The following FAF1 variants were observed in gnomAD, a reference collection of about 807,000 sequenced individuals.
FAF1 encodes the protein FAS-associated factor 1.
Under a neutral mutation model 92.5 loss-of-function variants are expected in FAF1, and 25 were observed. That is an observed-to-expected ratio of 0.27 (90% CI 0.20 to 0.38). The LOEUF is 0.38. FAF1 is among the 10% of genes least tolerant of loss of function. The pLI, the probability that FAF1 is intolerant of heterozygous loss-of-function variation, is 1.00. For missense variants in FAF1, 636 were observed against 793.3 expected, an observed-to-expected ratio of 0.80 and a Z score of 2.38; for synonymous variants, 234 against 273.2, an observed-to-expected ratio of 0.86 and a Z score of 1.42.
chr1:50,451,435 G>A (rs542337588), intron 18 of FAF1, among the ~76,000 whole-genome samples: 21 of 152,156 alleles, frequency 1.4e-4, no homozygotes, highest in Non-Finnish European at 2.2e-4. Context: ...AGGACAAGAG[G>A]CTCAGCGAGA....
chr1:50,661,723 A>G (rs1655382468), intron 7 of FAF1, among the ~76,000 whole-genome samples: 1 of 152,228 alleles, frequency 6.6e-6, no homozygotes, highest in African/African-American at 2.4e-5. Flanking sequence ...AATAAGGCAT[A>G]CAAACTAGGC....
intron 12 of FAF1, among the ~76,000 whole-genome samples, chr1:50,574,880 T>C (rs1341826027): frequency 6.8e-6 from 1 of 147,634 alleles, no homozygotes; most frequent in Non-Finnish European, 1.5e-5. Flanking sequence ...TGTTTAAGCA[T>C]ATAGAGTTGT....
chr1:50,468,209 A>AAAC (rs936543176), intron 18 of FAF1, among the ~76,000 whole-genome samples: 46 of 151,956 alleles, frequency 3.0e-4, no homozygotes, highest in East Asian at 7.8e-4. Context: ...ACTCTGTCTC[A>AAAC]AACAACAACA....
intron 7 of FAF1, among the ~76,000 whole-genome samples, chr1:50,694,597 TTA>T (rs1451046170): frequency 2.7e-5 from 4 of 150,656 alleles, no homozygotes; most frequent in African/African-American, 9.7e-5. Flanking sequence ...CAAAACTTTA[TTA>T]AGTATTTGCT....
At chr1:50,639,410 T>C (rs1654213587) in intron 8 of FAF1, among the ~76,000 whole-genome samples, 1 of 152,244 alleles carries the variant, frequency 6.6e-6, no homozygotes, top group Admixed American at 6.5e-5. Flanking sequence ...ACCTTGCTGA[T>C]AGATTTTTAT....
intron 3 of FAF1, among the ~76,000 whole-genome samples, chr1:50,800,218 G>A (rs1436708936): frequency 3.9e-5 from 6 of 152,126 alleles, no homozygotes; most frequent in African/African-American, 1.4e-4. Context: ...GGGAGAAGAA[G>A]TTTCTACAGT....
intron 15 of FAF1, among the ~76,000 whole-genome samples, chr1:50,526,907 T>C (rs960613702): frequency 3.3e-5 from 5 of 150,168 alleles, no homozygotes; most frequent in Admixed American, 6.7e-5. Flanking sequence ...CCAGCTGGAG[T>C]GTAGTGGCGT....
intron 7 of FAF1, among the ~76,000 whole-genome samples, chr1:50,685,639 C>G (rs764015437): frequency 6.6e-6 from 1 of 152,194 alleles, no homozygotes; most frequent in Non-Finnish European, 1.5e-5. Flanking sequence ...GTTGCACAGC[C>G]AGGAGATGCC....
chr1:50,632,764 TG>T (rs1465995769), intron 8 of FAF1, among the ~76,000 whole-genome samples: 1 of 152,202 alleles, frequency 6.6e-6, no homozygotes, highest in African/African-American at 2.4e-5. Flanking sequence ...CCCACACTTA[TG>T]CATTGTTTGT....
At chr1:50,472,515 T>C (rs1037769075) in intron 18 of FAF1, among the ~76,000 whole-genome samples, 1 of 151,960 alleles carries the variant, frequency 6.6e-6, no homozygotes, top group African/African-American at 2.4e-5. Flanking sequence ...TGTCCTACAG[T>C]GCTCAGTTCA....
At chr1:50,626,861 GTGAA>G (rs896169954) in intron 8 of FAF1, among the ~76,000 whole-genome samples, 5 of 152,120 alleles carry the variant, frequency 3.3e-5, no homozygotes, top group African/African-American at 1.2e-4. Context: ...GGAAATAGAA[GTGAA>G]TGAATGGGAG....
At chr1:50,703,702 T>C (rs374659634) in intron 7 of FAF1, among the ~76,000 whole-genome samples, 45 of 152,284 alleles carry the variant, frequency 3.0e-4, no homozygotes, top group African/African-American at 1.0e-3. Context: ...ATTTAGAAAA[T>C]GGTATAAAAA....
At chr1:50,835,077 G>A (rs1644188301) in intron 2 of FAF1, among the ~76,000 whole-genome samples, 1 of 152,202 alleles carries the variant, frequency 6.6e-6, no homozygotes, top group Non-Finnish European at 1.5e-5. Flanking sequence ...TGGCTGAAGA[G>A]TAGCACAGAT....
At chr1:50,541,103 C>T (rs1648738740) in intron 13 of FAF1, among the ~76,000 whole-genome samples, 1 of 152,156 alleles carries the variant, frequency 6.6e-6, no homozygotes, top group Non-Finnish European at 1.5e-5. Flanking sequence ...AAATTCAAAA[C>T]AGAATCAAAC....
At chr1:50,708,164 A>C (rs1315948786) in intron 6 of FAF1, among the ~76,000 whole-genome samples, 1 of 152,204 alleles carries the variant, frequency 6.6e-6, no homozygotes, top group Non-Finnish European at 1.5e-5. Context: ...ATTTACATTT[A>C]TACAAGATTA....
At chr1:50,533,159 AATGGC>A (rs1557984281) in intron 15 of FAF1, among the ~76,000 whole-genome samples, 1 of 152,072 alleles carries the variant, frequency 6.6e-6, no homozygotes, top group Non-Finnish European at 1.5e-5. Flanking sequence ...GCTGGAATAC[AATGGC>A]ATGAACATGG....
At position 50,664,232 on chromosome 1, in the gene FAF1, G is replaced by A. The variant is rs970406154; in HGVS notation, c.658-8704C>T. On this transcript the variant is annotated intron_variant, in intron 7 of 18. Transcript: ENST00000396153. ...AGGATGGTCTCGATCTCTTGACCTC[G>A]TGATCCGCCCACCTCAGCTTCCCAA... Among the ~76,000 whole-genome samples, 42 of 150,750 alleles carry A rather than the reference G, an allele frequency of 2.8e-4. 1 individual carries two copies. Among genetic ancestry groups the A allele is most frequent in the African/African-American group, 9.4e-4 (38 of 40,570 alleles).
intron 18 of FAF1, among the ~76,000 whole-genome samples, chr1:50,461,227 T>C (rs1331145918): frequency 6.6e-6 from 1 of 152,200 alleles, no homozygotes; most frequent in African/African-American, 2.4e-5. Flanking sequence ...TCAGGTGTAT[T>C]ATTACAGTCT....
At chr1:50,860,458 C>T (rs1163626008) in intron 1 of FAF1, among the ~76,000 whole-genome samples, 2 of 151,872 alleles carry the variant, frequency 1.3e-5, no homozygotes, top group Non-Finnish European at 2.9e-5. Flanking sequence ...ACAGACACTT[C>T]TCAAAAGAAG....
Sources: allele counts gnomAD v4.1 joint callset (sites outside exome capture counted in the v4.1 genomes callset), GRCh38; gene constraint gnomAD v4.1.1; transcripts MANE v1.5; gene names NCBI Gene and HGNC (gene_info 2026-07-23, HGNC 2026-07-21).